The following ASZ1 variants were observed in gnomAD, a reference collection of about 807,000 sequenced individuals.
ASZ1 encodes ankyrin repeat, SAM and basic leucine zipper domain-containing protein 1.
ASZ1 carries 67 observed loss-of-function variants against 61.8 expected under a neutral mutation model. That is an observed-to-expected ratio of 1.08 (90% CI 0.89 to 1.33). The LOEUF is 1.33. Among genes scored for constraint, ASZ1 ranks in the 40% most tolerant of loss-of-function variants. The pLI is 0.00. For missense variants in ASZ1, 577 were observed against 554.5 expected (o/e 1.04, Z -0.41); for synonymous variants, 193 against 192.7 (o/e 1.00, Z -0.01).
chr7:117,422,312 A>G lies in ASZ1; in HGVS notation c.253T>C (p.Tyr85His). The G allele has an allele frequency of 6.2e-7, 1 of 1,613,796 alleles. No individual in the cohort carries two copies. The highest frequency in any genetic ancestry group is 8.5e-7 in the Non-Finnish European group (1 of 1,179,748). ...NFQYGWTPLM[Y>H]AASVANAELV... ...TCTGCATTGGCAACACTAGCAGCAT[A>G]CATAAGGGGAGTCCATCCATACTGA... Residue 85 changes from tyrosine to histidine, a missense_variant, in exon 3 of 13, where the codon TAT becomes CAT. Tyr to His is a moderately conservative substitution (Grantham distance 83). Transcript: ENST00000284629.
chr7:117,373,444 T>C (rs1796084052), intron 10 of ASZ1, among the ~76,000 whole-genome samples: 3 of 152,204 alleles, frequency 2.0e-5, no homozygotes, highest in African/African-American at 7.2e-5. Flanking sequence ...GTATGCATTG[T>C]TGTAACAGAT....
chr7:117,421,205 T>C (rs191617233), intron 3 of ASZ1, among the ~76,000 whole-genome samples: 1 of 152,314 alleles, frequency 6.6e-6, no homozygotes, highest in East Asian at 1.9e-4. Context: ...TTCCTAAGCA[T>C]AGCTTTCATT....
intron 4 of ASZ1, among the ~76,000 whole-genome samples, chr7:117,406,443 C>G (rs1353388578): frequency 6.6e-6 from 1 of 152,004 alleles, no homozygotes. Context: ...TAATTGATAG[C>G]AATACTAAAA....
At chr7:117,371,178 T>C (rs1450103479) in intron 10 of ASZ1, among the ~76,000 whole-genome samples, 1 of 152,134 alleles carries the variant, frequency 6.6e-6, no homozygotes, top group Admixed American at 6.6e-5. Context: ...AAGTTTTGAC[T>C]ACATACTATA....
At chr7:117,416,641 C>T (rs1796998890) in intron 4 of ASZ1, among the ~76,000 whole-genome samples, 1 of 152,104 alleles carries the variant, frequency 6.6e-6, no homozygotes, top group African/African-American at 2.4e-5. Flanking sequence ...GCAAGAGACA[C>T]AATGGAACTT....
At position 117,367,412 on chromosome 7, in the gene ASZ1, C is replaced by T; in HGVS notation, c.1215G>A (p.Leu405=). ...PQNFTSVCEE[L]VNNVEDLSEK... ...CACTCAAATCTTCAACATTATTAAC[C>T]AATTCTTCACAAACTGAAGTAAAAT... is the stretch of plus-strand genomic sequence containing the variant. The change falls in exon 12 of 13, where the codon TTG becomes TTA. Residue 405 remains leucine (L), a synonymous_variant. Transcript: ENST00000284629. 1 of 1,566,740 alleles carries T rather than the reference C, an allele frequency of 6.4e-7. No homozygotes were observed. The highest frequency in any genetic ancestry group is 1.4e-5 in the African/African-American group (1 of 72,736).
rs556923285 is a variant in ASZ1 at position 117,400,686 on chromosome 7, G to A, written c.441-14877C>T. ...GACTTCTGCCTTCAAAGTATTTTCA[G>A]GGGCTGAAGAAGACTACAACCACCA... is the stretch of plus-strand genomic sequence containing the variant. On this transcript the variant is annotated intron_variant, in intron 4 of 12. Coordinates refer to ENST00000284629, the MANE Select transcript of ASZ1 (RefSeq NM_130768.3). Among the ~76,000 whole-genome samples the A allele has an allele frequency of 5.9e-5, 9 of 152,286 alleles. No individual in the cohort carries two copies. The Middle Eastern group carries it at 0.014, about 230-fold the overall frequency.
At position 117,384,867 on chromosome 7, in the gene ASZ1, G is replaced by A; in HGVS notation, c.553-7C>T. 1.3e-6 allele frequency: 2 copies of A among 1,562,310 alleles called. No individual in the cohort carries two copies. The highest frequency in any genetic ancestry group is 2.3e-5 in the East Asian group (1 of 42,752). On this transcript the variant is annotated splice_region_variant and splice_polypyrimidine_tract_variant and intron_variant, in intron 5 of 12. Transcript: ENST00000284629. ...GTGCTGCCCACGTTAAAGCCTGTAA[G>A]TAGGGGGAAAAGAAGATTGTTTAAA...
At chr7:117,410,378 A>G (rs990127643) in intron 4 of ASZ1, among the ~76,000 whole-genome samples, 1 of 151,740 alleles carries the variant, frequency 6.6e-6, no homozygotes, top group African/African-American at 2.4e-5. Context: ...GTCCAAGATC[A>G]TTCACAAATA....
At chr7:117,386,276 T>C (rs1156423126) in intron 4 of ASZ1, among the ~76,000 whole-genome samples, 1 of 152,226 alleles carries the variant, frequency 6.6e-6, no homozygotes. Flanking sequence ...TTCCTTAATG[T>C]ATTCTATTAT....
chr7:117,383,102 G>C lies in ASZ1; in HGVS notation c.696C>G (p.Asn232Lys). 6.4e-7 allele frequency: 1 copy of C among 1,554,002 alleles called. No homozygotes were observed. The highest frequency in any genetic ancestry group is 1.2e-5 in the South Asian group (1 of 80,952). The change falls in exon 7 of 13, where the codon AAC (asparagine) becomes AAG (lysine). Residue 232 changes from asparagine to lysine, a missense_variant. Asn to Lys is a moderately conservative substitution (Grantham distance 94). Coordinates refer to ENST00000284629, the MANE Select transcript of ASZ1 (RefSeq NM_130768.3). Reference protein sequence around the residue: ...AKRNKHHEIFNLLSFTLNPLE... With the variant: ...AKRNKHHEIFKLLSFTLNPLE... ...ATGGATTTAAAGTAAAAGAAAGTAAGTTGAAGATCTGAAAAAAGTTAACAT... is the reference window on the plus strand; with the variant it reads ...ATGGATTTAAAGTAAAAGAAAGTAACTTGAAGATCTGAAAAAAGTTAACAT...
intron 1 of ASZ1, 82 bp downstream of exon 1, chr7:117,427,274 G>C: frequency 1.4e-6 from 2 of 1,422,116 alleles, no homozygotes; most frequent in Non-Finnish European, 9.9e-7. Context: ...GGGAGTAGGA[G>C]GTTTCACGAG....
At chr7:117,400,961 A>G (rs1562855273) in intron 4 of ASZ1, among the ~76,000 whole-genome samples, 1 of 152,210 alleles carries the variant, frequency 6.6e-6, no homozygotes, top group Non-Finnish European at 1.5e-5. Flanking sequence ...TATTTTCTGG[A>G]AGCAAACAGA....
At position 117,367,410 on chromosome 7, in the gene ASZ1, A is replaced by G. The variant is rs1402694644; in HGVS notation, c.1217T>C (p.Val406Ala). The G allele has an allele frequency of 6.4e-7, 1 of 1,571,158 alleles. No homozygotes were observed. Among genetic ancestry groups the G allele is most frequent in the East Asian group, 2.4e-5 (1 of 42,256 alleles). The change falls in exon 12 of 13, where the codon GTT becomes GCT. Residue 406 changes from valine to alanine, a missense_variant. Val to Ala is a moderately conservative substitution (Grantham distance 64). Coordinates refer to ENST00000284629, the MANE Select transcript of ASZ1 (RefSeq NM_130768.3). Reference protein sequence around the residue: ...QNFTSVCEELVNNVEDLSEKV... With the variant: ...QNFTSVCEELANNVEDLSEKV... ...TTCACTCAAATCTTCAACATTATTA[A>G]CCAATTCTTCACAAACTGAAGTAAA...
chr7:117,420,508 C>T (rs1797080998), intron 3 of ASZ1, among the ~76,000 whole-genome samples: 1 of 152,186 alleles, frequency 6.6e-6, no homozygotes. Context: ...CCCTCTTACT[C>T]CCATTACTTC....
At chr7:117,423,566 C>A (rs1267274715) in intron 2 of ASZ1, among the ~76,000 whole-genome samples, 1 of 151,720 alleles carries the variant, frequency 6.6e-6, no homozygotes, top group African/African-American at 2.4e-5. Context: ...GAAGCAAAGG[C>A]CAGGCACGGT....
chr7:117,426,347 G>A (rs933418310), intron 2 of ASZ1, among the ~76,000 whole-genome samples: 5 of 149,874 alleles, frequency 3.3e-5, no homozygotes, highest in African/African-American at 4.9e-5. Flanking sequence ...AAAATTAGCC[G>A]GGCGTGGTGT....
At chr7:117,383,145 CA>C (rs773206490) in intron 6 of ASZ1, 35 bp from the exon 7 acceptor site, 2 of 1,491,318 alleles carry the variant, frequency 1.3e-6, no homozygotes, top group South Asian at 1.4e-5. Context: ...ATATAATTAA[CA>C]TTGCATACTG....
intron 4 of ASZ1, among the ~76,000 whole-genome samples, chr7:117,387,885 A>G (rs2116478860): frequency 6.6e-6 from 1 of 152,316 alleles, no homozygotes; most frequent in South Asian, 2.1e-4. Context: ...TTAAGAGAAG[A>G]TCAGTAAAAT....
Sources: gnomAD v4.1 joint callset for allele counts (sites outside exome capture counted in the v4.1 genomes callset) on GRCh38, gnomAD v4.1.1 for gene constraint, MANE v1.5 for transcripts, NCBI Gene and HGNC (gene_info 2026-07-23, HGNC 2026-07-21) for gene names.